The following UTS2B variants were observed in gnomAD, a reference collection of about 807,000 sequenced individuals.
UTS2B encodes the protein urotensin-2B.
Under a neutral mutation model 19.2 loss-of-function variants are expected in UTS2B, and 21 were observed. The observed-to-expected ratio is 1.09, with a 90% CI of 0.78 to 1.58. The LOEUF is 1.58. UTS2B is among the 40% of genes most tolerant of loss of function. UTS2B has a pLI of 0.00. For synonymous variants in UTS2B, 57 were observed against 50.2 expected (o/e 1.14, Z -0.58); for missense variants, 138 against 130.3 (o/e 1.06, Z -0.29).
At chr3:191,294,241 T>C (rs1716798524) in intron 4 of UTS2B, among the ~76,000 whole-genome samples, 1 of 151,918 alleles carries the variant, frequency 6.6e-6, no homozygotes, top group African/African-American at 2.4e-5. Context: ...AATAAAACAT[T>C]ATTTAGAATC....
chr3:191,342,354 G>A, the UTS2B span, among the ~76,000 whole-genome samples: 3 of 152,102 alleles, frequency 2.0e-5, no homozygotes, highest in South Asian at 2.1e-4. Flanking sequence ...GCTCTCAATC[G>A]TTTAAAGTTG....
At chr3:191,304,250 G>A (rs1052615504) in intron 4 of UTS2B, among the ~76,000 whole-genome samples, 3 of 152,186 alleles carry the variant, frequency 2.0e-5, no homozygotes, top group East Asian at 1.9e-4. Context: ...GAGGCACTGC[G>A]CCCTGCCTGG....
At chr3:191,333,602 G>A (rs1229581071), upstream of UTS2B, among the ~76,000 whole-genome samples, 2 of 152,134 alleles carry the variant, frequency 1.3e-5, no homozygotes, top group Non-Finnish European at 2.9e-5. Flanking sequence ...GGAGGTTTAT[G>A]TCTTAGTTAT....
chr3:191,332,838 T>C (rs1718036098), upstream of UTS2B, among the ~76,000 whole-genome samples: 1 of 152,250 alleles, frequency 6.6e-6, no homozygotes, highest in Non-Finnish European at 1.5e-5. Context: ...GTCCACTTGC[T>C]GTAATTTTGC....
At chr3:191,294,631 G>C (rs1436507774) in intron 4 of UTS2B, 1 of 151,514 alleles carries the variant, frequency 6.6e-6, no homozygotes, top group African/African-American at 2.4e-5. Flanking sequence ...TCTCTTATAT[G>C]TATTCTTCCA....
rs1177752224 is a variant in UTS2B, at chr3:191,282,313, T to C, written c.-124A>G. 1.6e-6 allele frequency: 1 copy of C among 632,944 alleles called. No homozygotes were observed. The highest frequency in any genetic ancestry group is 2.2e-5 in the South Asian group (1 of 44,988). The allele number at this position is 632,944 out of a possible 1,614,324, so 39.2% of individuals were successfully genotyped here. On this transcript the variant is annotated splice_region_variant and 5_prime_UTR_variant, in exon 5 of 9. Transcript: ENST00000340524. ...GCAAGTGTGCCTCAGTTACGAATGA[T>C]CTAGATGAAGGAAAAAGAAAGAAAG...
intron 4 of UTS2B, among the ~76,000 whole-genome samples, chr3:191,301,455 ATTTGT>A (rs1041577501): frequency 5.0e-5 from 7 of 140,472 alleles, no homozygotes; most frequent in African/African-American, 1.3e-4. Context: ...AACAATTGGT[ATTTGT>A]TTTATTAACT....
chr3:191,329,287 C>G (rs949121683), intron 1 of UTS2B: 4 of 198,098 alleles, frequency 2.0e-5, no homozygotes, highest in Non-Finnish European at 3.0e-5. Flanking sequence ...GATCTTCGCT[C>G]GCCAGCCACT....
At chr3:191,300,155 T>C (rs1380761721) in intron 4 of UTS2B, among the ~76,000 whole-genome samples, 2 of 152,200 alleles carry the variant, frequency 1.3e-5, no homozygotes, top group Non-Finnish European at 2.9e-5. Context: ...GTTCAAGCGA[T>C]TCTCCCAGCT....
chr3:191,307,813 TTTC>T (rs1367914968), intron 3 of UTS2B, among the ~76,000 whole-genome samples: 1 of 139,756 alleles, frequency 7.2e-6, no homozygotes, highest in Non-Finnish European at 1.6e-5. Context: ...TCTTTTTTCT[TTTC>T]TTTTCTTTTC....
At chr3:191,269,458 G>T (rs1369584984) in intron 8 of UTS2B, among the ~76,000 whole-genome samples, 1 of 151,684 alleles carries the variant, frequency 6.6e-6, no homozygotes, top group Non-Finnish European at 1.5e-5. Flanking sequence ...ACATTGAAGT[G>T]AGGCGCTTCA....
intron 3 of UTS2B, among the ~76,000 whole-genome samples, chr3:191,308,659 A>G (rs1717209313): frequency 1.3e-5 from 2 of 152,170 alleles, no homozygotes; most frequent in South Asian, 4.1e-4. Context: ...CTGACAGCCA[A>G]AAATGTCTCC....
At chr3:191,338,023 C>G in the UTS2B span, among the ~76,000 whole-genome samples, 1 of 152,058 alleles carries the variant, frequency 6.6e-6, no homozygotes, top group Non-Finnish European at 1.5e-5. Flanking sequence ...CCAGGGGAGT[C>G]TCCCCTGGAC....
intron 2 of UTS2B, among the ~76,000 whole-genome samples, chr3:191,328,033 T>C (rs749964219): frequency 3.3e-5 from 5 of 152,234 alleles, no homozygotes; most frequent in Non-Finnish European, 7.3e-5. Flanking sequence ...TATGTAGTGA[T>C]TTGAAATGTA....
At chr3:191,327,358 G>A (rs1192305731) in intron 2 of UTS2B, among the ~76,000 whole-genome samples, 8 of 152,276 alleles carry the variant, frequency 5.3e-5, no homozygotes, top group South Asian at 2.1e-4. Context: ...TTAGCCAGGC[G>A]TTGTGGTGCA....
chr3:191,331,625 A>G (rs1244758705), upstream of UTS2B, among the ~76,000 whole-genome samples: 1 of 152,202 alleles, frequency 6.6e-6, no homozygotes, highest in African/African-American at 2.4e-5. Flanking sequence ...CTGTCTTTGT[A>G]AACATCTGAC....
chr3:191,301,483 A>ATTTTTTTTTTTTTTTT (rs750203551), intron 4 of UTS2B, among the ~76,000 whole-genome samples: 1 of 113,834 alleles, frequency 8.8e-6, no homozygotes, highest in African/African-American at 3.4e-5. Flanking sequence ...ATTTTTGGTA[A>ATTTTTTTTTTTTTTTT]TTTTTTTTTT....
chr3:191,300,793 G>A (rs1020035647), intron 4 of UTS2B, among the ~76,000 whole-genome samples: 1 of 152,128 alleles, frequency 6.6e-6, no homozygotes, highest in African/African-American at 2.4e-5. Context: ...TCTCTCTCTT[G>A]CTCTTGCTCT....
At chr3:191,305,468 T>G (rs146655093) in intron 3 of UTS2B, among the ~76,000 whole-genome samples, 1 of 152,366 alleles carries the variant, frequency 6.6e-6, no homozygotes, top group Non-Finnish European at 1.5e-5. Context: ...CATGTCTTCT[T>G]TGAGAAGTGT....
Sources: allele counts gnomAD v4.1 joint callset (sites outside exome capture counted in the v4.1 genomes callset), GRCh38; gene constraint gnomAD v4.1.1; transcripts MANE v1.5; gene names NCBI Gene and HGNC (gene_info 2026-07-23, HGNC 2026-07-21).